MAGT1: variants seen among roughly 807,000 people sequenced by gnomAD.
MAGT1 encodes the protein magnesium transporter 1.
Under a neutral mutation model 28.4 loss-of-function variants are expected in MAGT1, and 4 were observed. The ratio of observed to expected loss-of-function variants is 0.14; its 90% confidence interval spans 0.07 to 0.32. MAGT1 has a LOEUF of 0.32. MAGT1 is among the 10% of genes least tolerant of loss of function. MAGT1 has a pLI of 1.00. For missense variants in MAGT1, 193 were observed against 264.5 expected (o/e 0.73, Z 1.88); for synonymous variants, 89 against 89.7 (o/e 0.99, Z 0.04).
chrX:77,871,210 A>G (rs912680410), intron 2 of MAGT1, among the ~76,000 whole-genome samples: 19 of 112,370 alleles, frequency 1.7e-4, no homozygotes, highest in South Asian at 3.6e-4. Context: ...TCTTTCAACA[A>G]TCATTGGAAA....
At chrX:77,831,594 CTT>C (rs67369107) in intron 8 of MAGT1, among the ~76,000 whole-genome samples, 93 of 91,260 alleles carry the variant, frequency 1.0e-3, no homozygotes, top group East Asian at 1.4e-3. Context: ...TTTTGGTTTT[CTT>C]TTTTTTTTTT....
At chrX:77,875,628 T>C (rs782384877) in intron 1 of MAGT1, 31 bp from the exon 2 acceptor site, 1 of 1,172,208 alleles carries the variant, frequency 8.5e-7, no homozygotes, top group South Asian at 1.8e-5. Context: ...ATGCTATTAA[T>C]ATACTCAACT....
At chrX:77,857,812 A>G (rs901021842) in intron 3 of MAGT1, among the ~76,000 whole-genome samples, 52 of 112,308 alleles carry the variant, frequency 4.6e-4, no homozygotes, top group Non-Finnish European at 6.7e-4. Flanking sequence ...CAAAATGAAT[A>G]CATTTATGAG....
In MAGT1 at chrX:77,828,045, CT is replaced by C. The variant is rs1293026823; in HGVS notation, c.*1174del. 2.7e-5 allele frequency: 3 copies of C among 110,152 alleles called. No homozygotes were observed. Among genetic ancestry groups the C allele is most frequent in the African/African-American group, 9.9e-5 (3 of 30,360 alleles). 9.1% of individuals were successfully genotyped at this position (110,152 alleles called of 1,213,427 possible). A position where few individuals can be genotyped will look rare whatever the true frequency, so the allele number is the denominator to read the frequency against. ...TCAGGCTGGAGCGCAGTAGCGTGAT[CT>C]CGGCTCACTGCAATCTCCGCCTCCC... On this transcript the variant is annotated 3_prime_UTR_variant, in exon 10 of 10. Transcript: ENST00000618282.
In MAGT1 at chrX:77,834,878, G is replaced by T. The variant is rs918327223; in HGVS notation, c.902-3983C>A. 5.5e-5 allele frequency among the ~76,000 whole-genome samples: 6 copies of T among 109,567 alleles called. No homozygotes were observed. In the Admixed American group the frequency reaches 5.9e-4, roughly 11 times the overall value. On this transcript the variant is annotated intron_variant, in intron 8 of 9. Coordinates refer to ENST00000618282, the MANE Select transcript of MAGT1 (RefSeq NM_001367916.1). ...TTGCACAGTACCCATGTGACAAGGG[G>T]TTAATAACCAGAATATAAAAGGAGC...
At chrX:77,845,168 T>C (rs1448930857) in intron 7 of MAGT1, among the ~76,000 whole-genome samples, 2 of 111,967 alleles carry the variant, frequency 1.8e-5, no homozygotes, top group African/African-American at 3.2e-5. Flanking sequence ...TTAGCTCTTC[T>C]TGTTGAATTG....
chrX:77,875,942 C>T (rs952181738), intron 1 of MAGT1, among the ~76,000 whole-genome samples: 10 of 108,153 alleles, frequency 9.2e-5, no homozygotes, highest in Admixed American at 8.1e-4. Flanking sequence ...AGGGATCCTC[C>T]CACCTCAGCC....
rs781976807 is a variant in MAGT1 at position 77,893,589 on chromosome X, A to T, written c.102+1720T>A. ...AAATGCTAAGTTTTAAAAAGCCTTC[A>T]CTTTTTAATTAAAAAGAATAAGTGG... On this transcript the variant is annotated intron_variant, in intron 1 of 9. Transcript: ENST00000618282. Among the ~76,000 whole-genome samples the T allele has an allele frequency of 4.5e-5, 5 of 112,048 alleles. No individual in the cohort carries two copies. In the South Asian group the frequency reaches 1.8e-3, roughly 41 times the overall value.
chrX:77,860,677 G>A (rs1557216405), intron 3 of MAGT1, among the ~76,000 whole-genome samples: 1 of 111,264 alleles, frequency 9.0e-6, no homozygotes, highest in African/African-American at 3.3e-5. Context: ...AGCTATTTGG[G>A]TGGCTGAGAC....
intron 7 of MAGT1, among the ~76,000 whole-genome samples, chrX:77,851,519 G>A (rs781973027): frequency 9.9e-5 from 11 of 111,280 alleles, no homozygotes; most frequent in East Asian, 5.7e-4. Flanking sequence ...GATTACAGGC[G>A]TGCACCACCA....
chrX:77,878,611 ATCCCGTC>A (rs2149026686), intron 1 of MAGT1, among the ~76,000 whole-genome samples: 1 of 107,486 alleles, frequency 9.3e-6, no homozygotes, highest in Non-Finnish European at 1.9e-5. Flanking sequence ...ACATGATAAA[ATCCCGTC>A]TCTACTAAAA....
chrX:77,859,658 G>T (rs2076989819), intron 3 of MAGT1, among the ~76,000 whole-genome samples: 2 of 111,897 alleles, frequency 1.8e-5, no homozygotes, highest in South Asian at 7.4e-4. Flanking sequence ...CTTGAGGTCA[G>T]GAGCTCGAGA....
chrX:77,893,794 G>A (rs782026036), intron 1 of MAGT1, among the ~76,000 whole-genome samples: 1 of 110,530 alleles, frequency 9.0e-6, no homozygotes, highest in Admixed American at 9.7e-5. Context: ...ATATTCGGGA[G>A]GTGGAGGTGG....
intron 5 of MAGT1, chrX:77,856,433 G>A (rs1326645884): frequency 3.2e-5 from 6 of 185,969 alleles, no homozygotes; most frequent in East Asian, 3.1e-4. Flanking sequence ...CCAAGACTCC[G>A]CCTCAAAGAA....
intron 3 of MAGT1, among the ~76,000 whole-genome samples, chrX:77,860,943 AG>A (rs1184979412): frequency 8.9e-6 from 1 of 111,768 alleles, no homozygotes; most frequent in Non-Finnish European, 1.9e-5. Context: ...TGGGAGGCCA[AG>A]GCAGGTGGAT....
At chrX:77,843,637 G>A (rs782169034) in intron 7 of MAGT1, among the ~76,000 whole-genome samples, 4 of 111,380 alleles carry the variant, frequency 3.6e-5, no homozygotes, top group South Asian at 7.5e-4. Flanking sequence ...AATTTTTTCT[G>A]AGTTCTTTAT....
chrX:77,853,821 A>C, intron 7 of MAGT1, 80 bp downstream of exon 7: 1 of 817,388 alleles, frequency 1.2e-6, no homozygotes, highest in East Asian at 3.2e-5. Context: ...GAACAGCCCC[A>C]GCCAAATGCT....
chrX:77,885,975 G>A (rs1457063446), intron 1 of MAGT1, among the ~76,000 whole-genome samples: 2 of 110,828 alleles, frequency 1.8e-5, no homozygotes, highest in African/African-American at 6.6e-5. Context: ...GCGAGACTCC[G>A]TCTCTAAAAT....
intron 2 of MAGT1, among the ~76,000 whole-genome samples, chrX:77,872,851 A>G (rs1557217427): frequency 8.9e-6 from 1 of 112,296 alleles, no homozygotes; most frequent in African/African-American, 3.2e-5. Context: ...TAGGTTATCT[A>G]TTTTACAATT....
Sources: allele counts gnomAD v4.1 joint callset (sites outside exome capture counted in the v4.1 genomes callset), GRCh38; gene constraint gnomAD v4.1.1; transcripts MANE v1.5; gene names NCBI Gene and HGNC (gene_info 2026-07-23, HGNC 2026-07-21).